GPC6: variants seen among roughly 807,000 people sequenced by gnomAD.
GPC6 encodes the protein glypican 6, also known as glypican-6.
Under a neutral mutation model 55.2 loss-of-function variants are expected in GPC6, and 14 were observed. The observed-to-expected ratio is 0.25, with a 90% CI of 0.17 to 0.40. The LOEUF (loss-of-function observed/expected upper bound fraction) is 0.40. Among genes scored for constraint, GPC6 ranks in the 10% least tolerant of loss-of-function variants. The pLI is 1.00. For synonymous variants in GPC6, 278 were observed against 259.6 expected (o/e 1.07, Z -0.68); for missense variants, 641 against 708.5 (o/e 0.90, Z 1.08).
intron 2 of GPC6, among the ~76,000 whole-genome samples, chr13:93,755,384 C>G (rs1884733840): frequency 1.3e-5 from 2 of 152,136 alleles, no homozygotes; most frequent in Admixed American, 1.3e-4. Flanking sequence ...CCTATAGAAG[C>G]AGCTCTGAGC....
At chr13:94,212,163 G>C (rs1000102973) in intron 4 of GPC6, among the ~76,000 whole-genome samples, 6 of 152,126 alleles carry the variant, frequency 3.9e-5, no homozygotes, top group African/African-American at 1.2e-4. Context: ...AGGCCTGTTA[G>C]TCCCATACTG....
chr13:94,275,421 A>G (rs950545021), intron 4 of GPC6, among the ~76,000 whole-genome samples: 2 of 152,160 alleles, frequency 1.3e-5, no homozygotes, highest in African/African-American at 4.8e-5. Flanking sequence ...TATTCCAGGA[A>G]GAAGGCCCTG....
chr13:93,659,977 G>A (rs1490498650), intron 2 of GPC6, among the ~76,000 whole-genome samples: 1 of 152,038 alleles, frequency 6.6e-6, no homozygotes, highest in Non-Finnish European at 1.5e-5. Context: ...TGGAGTAGAG[G>A]CAGAGAGTTA....
At chr13:93,825,022 A>AT (rs1887182503) in intron 2 of GPC6, among the ~76,000 whole-genome samples, 1 of 152,094 alleles carries the variant, frequency 6.6e-6, no homozygotes, top group Non-Finnish European at 1.5e-5. Flanking sequence ...TGTATTACAA[A>AT]CAAATCATGG....
At chr13:94,220,049 T>C (rs916907936) in intron 4 of GPC6, among the ~76,000 whole-genome samples, 1 of 152,110 alleles carries the variant, frequency 6.6e-6, no homozygotes, top group Non-Finnish European at 1.5e-5. Flanking sequence ...CAACATTTTG[T>C]TATCAACAGA....
chr13:93,556,870 G>A (rs1272140801), intron 2 of GPC6, among the ~76,000 whole-genome samples: 2 of 152,052 alleles, frequency 1.3e-5, no homozygotes, highest in East Asian at 3.9e-4. Flanking sequence ...CCATATTATT[G>A]CAAATGACTG....
chr13:94,096,808 A>C (rs1885674573), intron 4 of GPC6, among the ~76,000 whole-genome samples: 1 of 152,170 alleles, frequency 6.6e-6, no homozygotes. Context: ...TTCTGAGGTA[A>C]ATGGTCTCAC....
At chr13:93,251,264 C>T (rs1342197936) in intron 1 of GPC6, among the ~76,000 whole-genome samples, 1 of 152,142 alleles carries the variant, frequency 6.6e-6, no homozygotes, top group African/African-American at 2.4e-5. Context: ...GGTTTGCTAT[C>T]TCTTTCTCTT....
At chr13:93,898,768 G>A (rs1429014183) in intron 3 of GPC6, among the ~76,000 whole-genome samples, 1 of 151,508 alleles carries the variant, frequency 6.6e-6, no homozygotes, top group Non-Finnish European at 1.5e-5. Flanking sequence ...AGAAAGAGTG[G>A]GATTAGGCAG....
intron 6 of GPC6, among the ~76,000 whole-genome samples, chr13:94,330,961 C>T (rs1877381406): frequency 6.6e-6 from 1 of 152,056 alleles, no homozygotes; most frequent in African/African-American, 2.4e-5. Context: ...TTAGTATCTT[C>T]CTCTGATCTC....
intron 4 of GPC6, among the ~76,000 whole-genome samples, chr13:94,151,423 G>T (rs915339806): frequency 6.6e-6 from 1 of 152,114 alleles, no homozygotes; most frequent in African/African-American, 2.4e-5. Context: ...CTATGCTGTT[G>T]TTATGTTTTC....
At chr13:94,326,415 C>G (rs1032346228) in intron 6 of GPC6, among the ~76,000 whole-genome samples, 4 of 151,998 alleles carry the variant, frequency 2.6e-5, no homozygotes, top group Admixed American at 6.5e-5. Context: ...TTTTTTATTT[C>G]TGGAACAGAA....
Position 93,426,786 on chromosome 13 carries a change from A to G in GPC6, c.161-118477A>G, listed in dbSNP as rs1319944026. Among the ~76,000 whole-genome samples, 49 of 151,896 alleles carry G rather than the reference A, an allele frequency of 3.2e-4. No individual in the cohort carries two copies. In the East Asian group the frequency reaches 4.1e-3, roughly 13 times the overall value. ...GATGGCTGAGTCAAATGGTATTTCT[A>G]GTTCTAGATCCCTGAGGAATCGCCA... On this transcript the variant is annotated intron_variant, in intron 1 of 8. Coordinates refer to ENST00000377047, the MANE Select transcript of GPC6 (RefSeq NM_005708.5).
intron 1 of GPC6, among the ~76,000 whole-genome samples, chr13:93,471,881 A>T (rs1879134798): frequency 6.6e-6 from 1 of 152,178 alleles, no homozygotes; most frequent in South Asian, 2.1e-4. Context: ...ATAAATGTCA[A>T]TTAGATTCAG....
chr13:93,863,857 A>G (rs1159175737), intron 3 of GPC6, among the ~76,000 whole-genome samples: 1 of 151,756 alleles, frequency 6.6e-6, no homozygotes, highest in Non-Finnish European at 1.5e-5. Context: ...TGTGTTGCAA[A>G]AAGATACAGC....
chr13:94,055,245 G>A (rs184405838), intron 4 of GPC6, among the ~76,000 whole-genome samples: 158 of 152,282 alleles, frequency 1.0e-3, no homozygotes, highest in Non-Finnish European at 1.9e-3. Context: ...TAAACACAGG[G>A]TGAAGCAGTT....
intron 1 of GPC6, among the ~76,000 whole-genome samples, chr13:93,441,241 C>T (rs546532813): frequency 2.6e-5 from 4 of 152,002 alleles, no homozygotes; most frequent in East Asian, 3.9e-4. Flanking sequence ...AATGGTATTT[C>T]TAGTTCTAGA....
chr13:93,807,025 A>G (rs1050096722), intron 2 of GPC6, among the ~76,000 whole-genome samples: 6 of 152,210 alleles, frequency 3.9e-5, no homozygotes, highest in Non-Finnish European at 7.3e-5. Flanking sequence ...TGAGTGTATA[A>G]TAATATCTTT....
intron 4 of GPC6, among the ~76,000 whole-genome samples, chr13:94,252,873 C>A (rs1271230208): frequency 2.0e-5 from 3 of 151,612 alleles, no homozygotes; most frequent in Admixed American, 2.0e-4. Context: ...CTCTAGAAAC[C>A]CCAAGCCTGC....
Sources: gnomAD v4.1 joint callset for allele counts (sites outside exome capture counted in the v4.1 genomes callset) on GRCh38, gnomAD v4.1.1 for gene constraint, MANE v1.5 for transcripts, NCBI Gene and HGNC (gene_info 2026-07-23, HGNC 2026-07-21) for gene names.